Variants in FCGR2A observed in about 807,000 individuals in gnomAD.
FCGR2A encodes Fc gamma receptor IIa.
Under a neutral mutation model 29.3 loss-of-function variants are expected in FCGR2A, and 18 were observed. That is an observed-to-expected ratio of 0.62 (90% CI 0.43 to 0.91). The LOEUF (loss-of-function observed/expected upper bound fraction) is 0.91, where lower values mean the gene tolerates loss of function less well. FCGR2A is among the 40% of genes least tolerant of loss of function. The pLI is 0.00. For missense variants in FCGR2A, 287 were observed against 393.0 expected, an observed-to-expected ratio of 0.73 and a Z score of 2.28; for synonymous variants, 126 against 144.8, an observed-to-expected ratio of 0.87 and a Z score of 0.93.
chr1:161,508,442 G>C (rs1675560056), intron 3 of FCGR2A, among the ~76,000 whole-genome samples: 2 of 151,854 alleles, frequency 1.3e-5, no homozygotes, highest in African/African-American at 4.8e-5. Flanking sequence ...TACAAAATTA[G>C]CCGGGCGTGA....
At position 161,506,341 on chromosome 1, in the gene FCGR2A, C is replaced by T. The variant is rs2102456257; in HGVS notation, c.114C>T (p.Pro38=). ...LASADSQAAA[P]PKAVLKLEPP... Reference sequence around the variant, plus strand: ...TTCCACTCTGCCCCTCAGCAGCTCCCCCAAAGGCTGTGCTGAAACTTGAGC... The same window carrying T: ...TTCCACTCTGCCCCTCAGCAGCTCCTCCAAAGGCTGTGCTGAAACTTGAGC... The change falls in exon 3 of 7, where the codon CCC becomes CCT. Residue 38 remains proline (P), a synonymous_variant. Coordinates refer to ENST00000271450, the MANE Select transcript of FCGR2A (RefSeq NM_001136219.3). 6.2e-7 allele frequency: 1 copy of T among 1,614,212 alleles called. No homozygotes were observed. The highest frequency in any genetic ancestry group is 8.5e-7 in the Non-Finnish European group (1 of 1,180,038).
chr1:161,516,645 T>G (rs1365387566), intron 6 of FCGR2A, among the ~76,000 whole-genome samples: 2 of 152,054 alleles, frequency 1.3e-5, no homozygotes, highest in Non-Finnish European at 2.9e-5. Flanking sequence ...AAAGTTAACT[T>G]TGATTTTCGG....
At chr1:161,513,761 G>A in intron 5 of FCGR2A, 134 bp from the exon 6 acceptor site, 2 of 1,297,756 alleles carry the variant, frequency 1.5e-6, no homozygotes, top group Non-Finnish European at 2.2e-6. Context: ...TTAGCCCTTG[G>A]CCTTACAGGA....
At chr1:161,515,973 A>G (rs2102484942) in intron 6 of FCGR2A, among the ~76,000 whole-genome samples, 1 of 152,268 alleles carries the variant, frequency 6.6e-6, no homozygotes, top group Non-Finnish European at 1.5e-5. Context: ...TATAAATTAC[A>G]TATTTTCTCA....
In FCGR2A at chr1:161,510,042, T is replaced by A. The variant is rs141094947; in HGVS notation, c.587T>A (p.Phe196Tyr). 2.9e-4 allele frequency: 468 copies of A among 1,613,890 alleles called. 1 individual carries two copies. The highest frequency in any genetic ancestry group is 2.3e-3 in the African/African-American group (172 of 75,004). The change falls in exon 4 of 7, where the codon TTC becomes TAC. Residue 196 changes from phenylalanine (F) to tyrosine (Y), a missense_variant. Phe to Tyr is a conservative substitution (Grantham distance 22). Around this residue, in one of 3 missense-constraint regions of FCGR2A, gnomAD observed 181 missense variants for 250.9 expected, o/e 0.72. Transcript: ENST00000271450. ...ACAGGAAACATAGGCTACACGCTGT[T>A]CTCATCCAAGCCTGTGACCATCACT... ...HCTGNIGYTLFSSKPVTITVQ... is the reference protein window; with the variant it reads ...HCTGNIGYTLYSSKPVTITVQ...
At chr1:161,508,587 CAAA>C (rs10648106) in intron 3 of FCGR2A, among the ~76,000 whole-genome samples, 4 of 88,402 alleles carry the variant, frequency 4.5e-5, no homozygotes, top group Admixed American at 1.2e-4. Context: ...AACTCCATCT[CAAA>C]AAAAAAAAAA....
At chr1:161,511,670 C>T (rs561157222) in intron 5 of FCGR2A, among the ~76,000 whole-genome samples, 57 of 152,148 alleles carry the variant, frequency 3.7e-4, no homozygotes, top group African/African-American at 1.3e-3. Flanking sequence ...GAGGGAAGGC[C>T]TGAGCTGGTC....
chr1:161,512,139 T>G (rs1265945169), intron 5 of FCGR2A, among the ~76,000 whole-genome samples: 5 of 151,794 alleles, frequency 3.3e-5, no homozygotes, highest in African/African-American at 9.7e-5. Flanking sequence ...TCTGTGGAGC[T>G]TTGGCAGAGC....
chr1:161,510,713 A>C, intron 4 of FCGR2A, 121 bp from the exon 5 acceptor site: 43 of 1,293,668 alleles, frequency 3.3e-5, no homozygotes, highest in Non-Finnish European at 4.1e-5. Flanking sequence ...CAGACACAGA[A>C]GAGCTTCAGG....
chr1:161,505,637 C>T, intron 1 of FCGR2A, 85 bp downstream of exon 1: 1 of 1,106,978 alleles, frequency 9.0e-7, no homozygotes, highest in Non-Finnish European at 1.4e-6. Context: ...AGGAGCAGGC[C>T]TGGGCCCTGG....
chr1:161,510,858 C>T lies in FCGR2A; in HGVS notation c.644C>T (p.Pro215Leu). Reference sequence around the variant, plus strand: ...GTGCCCAGCATGGGCAGCTCTTCACCAATGGGGATCATTGTGGCTGTGGTC... The same window carrying T: ...GTGCCCAGCATGGGCAGCTCTTCACTAATGGGGATCATTGTGGCTGTGGTC... ...VQVPSMGSSS[P>L]MGIIVAVVIA... The change falls in exon 5 of 7, where the codon CCA (proline) becomes CTA (leucine). Residue 215 changes from proline to leucine, a missense_variant. This residue lies in a region of FCGR2A where 72 missense variants were observed against 68.6 expected (regional missense o/e 1.05). Transcript: ENST00000271450. The T allele has an allele frequency of 1.2e-6, 2 of 1,614,180 alleles. No homozygotes were observed. The highest frequency in any genetic ancestry group is 1.7e-5 in the Admixed American group (1 of 60,028).
intron 3 of FCGR2A, among the ~76,000 whole-genome samples, chr1:161,506,947 A>G (rs1199754807): frequency 1.3e-5 from 2 of 152,172 alleles, no homozygotes; most frequent in Admixed American, 1.3e-4. Context: ...AGGTTGGGGG[A>G]AATAGACCTC....
chr1:161,520,950 T>C (rs1367182183), downstream of FCGR2A, among the ~76,000 whole-genome samples: 1 of 151,584 alleles, frequency 6.6e-6, no homozygotes, highest in Non-Finnish European at 1.5e-5. Flanking sequence ...TGCTCTTCCT[T>C]GAACGTGCCA....
At chr1:161,511,596 T>C (rs1270074592) in intron 5 of FCGR2A, among the ~76,000 whole-genome samples, 1 of 152,146 alleles carries the variant, frequency 6.6e-6, no homozygotes, top group African/African-American at 2.4e-5. Context: ...GACTAGCCCT[T>C]TTCCAGGTGG....
At chr1:161,506,250 C>A in intron 2 of FCGR2A, 84 bp from the exon 3 acceptor site, 1 of 1,555,922 alleles carries the variant, frequency 6.4e-7, no homozygotes, top group Non-Finnish European at 8.8e-7. Flanking sequence ...CTCTTGGGTG[C>A]CTGACCTCCC....
intron 4 of FCGR2A, 162 bp downstream of exon 4, chr1:161,510,236 AG>A: frequency 1.5e-6 from 2 of 1,297,622 alleles, no homozygotes; most frequent in South Asian, 3.0e-5. Context: ...TTGACCAACA[AG>A]TAGGGGCCAG....
intron 4 of FCGR2A, chr1:161,510,308 T>A: frequency 1.3e-6 from 1 of 758,970 alleles, no homozygotes; most frequent in Admixed American, 2.5e-5. Context: ...CTTTGAAATG[T>A]AGGCCCCAGA....
rs753609483 is a variant in FCGR2A, at chr1:161,510,868, C to G, written c.654C>G (p.Ile218Met). ...PSMGSSSPMGIIVAVVIATAV... is the reference protein window; with the variant it reads ...PSMGSSSPMGMIVAVVIATAV... ...TGGGCAGCTCTTCACCAATGGGGAT[C>G]ATTGTGGCTGTGGTCATTGCGACTG... Residue 218 changes from isoleucine to methionine, a missense_variant, in exon 5 of 7, where the codon ATC becomes ATG. This residue lies in a region of FCGR2A where 72 missense variants were observed against 68.6 expected (regional missense o/e 1.05). Transcript: ENST00000271450. 3 of 1,614,076 alleles carry G rather than the reference C, an allele frequency of 1.9e-6. No homozygotes were observed. Among genetic ancestry groups the G allele is most frequent in the African/African-American group, 2.7e-5 (2 of 74,932 alleles).
intron 6 of FCGR2A, among the ~76,000 whole-genome samples, chr1:161,516,344 C>T (rs1325692217): frequency 1.3e-5 from 2 of 151,966 alleles, no homozygotes; most frequent in Admixed American, 6.6e-5. Context: ...TTTTTATTTT[C>T]AATCTGGGTA....
Sources: gnomAD v4.1 joint callset for allele counts (sites outside exome capture counted in the v4.1 genomes callset) on GRCh38, gnomAD v4.1.1 for gene constraint, gnomAD v4.1.1 regional missense constraint, MANE v1.5 for transcripts, NCBI Gene and HGNC (gene_info 2026-07-23, HGNC 2026-07-21) for gene names.